Variants in JAK1 observed in about 807,000 individuals in gnomAD.
The protein encoded by JAK1 is Janus kinase 1.
Under a neutral mutation model 136.6 loss-of-function variants are expected in JAK1, and 16 were observed. That is an observed-to-expected ratio of 0.12 (90% CI 0.08 to 0.18). The LOEUF is 0.18. Ranked by LOEUF, JAK1 falls within the 10% of genes least tolerant of loss-of-function variation. The probability of loss-of-function intolerance (pLI) is 1.00; values close to 1 mark genes in which losing one functional copy is unlikely to be tolerated. For synonymous variants in JAK1, 492 were observed against 519.5 expected (o/e 0.95, Z 0.72); for missense variants, 859 against 1,450.1 (o/e 0.59, Z 6.62).
intron 3 of JAK1, among the ~76,000 whole-genome samples, chr1:64,882,889 T>C (rs74080796): frequency 1.0e-3 from 155 of 152,334 alleles, no homozygotes; most frequent in African/African-American, 3.7e-3. Flanking sequence ...TGAGATACGC[T>C]ACTTGCTGAG....
intron 2 of JAK1, chr1:65,003,624 A>G (rs1447324665): frequency 6.6e-6 from 1 of 152,218 alleles, no homozygotes; most frequent in East Asian, 1.9e-4. Context: ...CCTAGAGGTT[A>G]AGTGATTTGC....
intron 1 of JAK1, among the ~76,000 whole-genome samples, chr1:64,929,041 T>A (rs954587146): frequency 2.0e-5 from 3 of 152,210 alleles, no homozygotes; most frequent in African/African-American, 7.2e-5. Context: ...ACTGGAATTA[T>A]CTTTTTAAAA....
intron 1 of JAK1, among the ~76,000 whole-genome samples, chr1:64,921,926 C>T (rs1389231660): frequency 6.6e-6 from 1 of 151,862 alleles, no homozygotes; most frequent in African/African-American, 2.4e-5. Flanking sequence ...AGCATGACTT[C>T]AGTCAACAAC....
intron 2 of JAK1, among the ~76,000 whole-genome samples, chr1:65,014,152 A>C (rs1646873073): frequency 6.6e-6 from 1 of 152,268 alleles, no homozygotes; most frequent in East Asian, 1.9e-4. Context: ...TATGAAAGAG[A>C]AATTAAAATT....
Position 64,840,847 on chromosome 1 carries a change from AAGAG to A in JAK1, c.2649+394_2649+397del, listed in dbSNP as rs2100971892. ...CCCTGTCTCTCGGGGGCAAAAGAAAAAGAGAGAAGCTTACAGGATATATATGCCC... is the reference window on the plus strand; with the variant it reads ...CCCTGTCTCTCGGGGGCAAAAGAAAAAGAAGCTTACAGGATATATATGCCC... On this transcript the variant is annotated intron_variant, in intron 19 of 24. Transcript: ENST00000342505. 2.0e-5 allele frequency among the ~76,000 whole-genome samples: 3 copies of A among 152,016 alleles called. No individual in the cohort carries two copies. In the South Asian group the frequency reaches 6.3e-4, roughly 32 times the overall value.
intron 2 of JAK1, among the ~76,000 whole-genome samples, chr1:65,000,179 G>A (rs866878403): frequency 4.0e-5 from 6 of 151,808 alleles, no homozygotes; most frequent in African/African-American, 1.5e-4. Context: ...TAGTAGAGAC[G>A]GGTTTTACCA....
rs372422753 is a variant in JAK1, at chr1:64,924,812, A to G, written c.-77-38471T>C. Among the ~76,000 whole-genome samples the G allele has an allele frequency of 2.0e-4, 30 of 152,334 alleles. 5 individuals are homozygous for G. Among genetic ancestry groups the G allele is most frequent in the Admixed American group, 3.3e-4 (5 of 15,302 alleles). ...TTTTCCAACCCCATAATGATGATCT[A>G]AAACCAGGACAGCAAATACACATGG... is the stretch of plus-strand genomic sequence containing the variant. On this transcript the variant is annotated intron_variant, in intron 1 of 24. Transcript: ENST00000342505.
At chr1:64,889,055 C>T (rs1168925825) in intron 1 of JAK1, among the ~76,000 whole-genome samples, 1 of 152,188 alleles carries the variant, frequency 6.6e-6, no homozygotes, top group East Asian at 1.9e-4. Flanking sequence ...TGTGCTACAG[C>T]ATTTGTGTAA....
At chr1:64,909,306 G>A (rs534552468) in intron 1 of JAK1, among the ~76,000 whole-genome samples, 2 of 152,252 alleles carry the variant, frequency 1.3e-5, no homozygotes, top group East Asian at 1.9e-4. Context: ...GTGAAAGAGG[G>A]GCTCAGAGGC....
chr1:64,956,183 T>TC (rs1283591169), intron 1 of JAK1, among the ~76,000 whole-genome samples: 1 of 152,196 alleles, frequency 6.6e-6, no homozygotes, highest in African/African-American at 2.4e-5. Context: ...TTACTGTCTT[T>TC]CCCCTCACAA....
At chr1:64,953,822 G>A (rs1024493361) in intron 1 of JAK1, among the ~76,000 whole-genome samples, 24 of 152,156 alleles carry the variant, frequency 1.6e-4, no homozygotes, top group African/African-American at 5.5e-4. Context: ...GCCACGCCCA[G>A]CTAATTTCTT....
chr1:64,960,058 T>G (rs1056065026), intron 1 of JAK1, among the ~76,000 whole-genome samples: 48 of 152,060 alleles, frequency 3.2e-4, no homozygotes, highest in African/African-American at 9.9e-4. Context: ...GAAACCTCTC[T>G]CAACAAAACA....
chr1:64,971,562 CTT>C (rs34048219), intron 2 of JAK1, among the ~76,000 whole-genome samples: 18 of 144,390 alleles, frequency 1.2e-4, no homozygotes, highest in East Asian at 2.0e-4. Context: ...CTCTGTCATA[CTT>C]TTTTTTTTTT....
chr1:64,915,860 T>C (rs55850447), intron 1 of JAK1, among the ~76,000 whole-genome samples: 17,805 of 152,164 alleles, frequency 0.12, 1,173 homozygotes, highest in African/African-American at 0.14. Flanking sequence ...AAAGACGGCA[T>C]CTGCACACAT....
chr1:64,913,655 AGAAGGAAGGAAGGAAGGAAG>A (rs1285435585), intron 1 of JAK1, among the ~76,000 whole-genome samples: 1 of 34,448 alleles, frequency 2.9e-5, no homozygotes, highest in African/African-American at 1.4e-4. Context: ...AAGGAAGGAA[AGAAGGAAGGAAGGAAGGAAG>A]GAAGGAAGGA....
At chr1:65,049,611 G>A (rs528631573) in intron 1 of JAK1, among the ~76,000 whole-genome samples, 1 of 152,228 alleles carries the variant, frequency 6.6e-6, no homozygotes, top group East Asian at 1.9e-4. Flanking sequence ...ACTCCTTGGG[G>A]CACATGTTTG....
chr1:64,904,212 AATTG>A (rs766169071), intron 1 of JAK1, among the ~76,000 whole-genome samples: 1 of 152,210 alleles, frequency 6.6e-6, no homozygotes, highest in Admixed American at 6.5e-5. Flanking sequence ...GTGACACAGT[AATTG>A]ATTAATTCAT....
intron 2 of JAK1, chr1:64,985,567 T>A: frequency 8.8e-7 from 1 of 1,137,590 alleles, no homozygotes; most frequent in Non-Finnish European, 1.3e-6. Flanking sequence ...GACCCCAGGA[T>A]GAATTCCAGA....
At chr1:64,993,139 T>G (rs1188974358) in intron 2 of JAK1, 1 of 152,214 alleles carries the variant, frequency 6.6e-6, no homozygotes, top group Non-Finnish European at 1.5e-5. Context: ...TGCCCACACA[T>G]CAAGGGAAAA....
Sources: allele counts gnomAD v4.1 joint callset (sites outside exome capture counted in the v4.1 genomes callset), GRCh38; gene constraint gnomAD v4.1.1; transcripts MANE v1.5; gene names NCBI Gene and HGNC (gene_info 2026-07-23, HGNC 2026-07-21).